The following STK39 variants were observed in gnomAD, a reference collection of about 807,000 sequenced individuals.
STK39 encodes the protein serine/threonine kinase 39, also known as STE20/SPS1-related proline-alanine-rich protein kinase.
Under a neutral mutation model 77.8 loss-of-function variants are expected in STK39, and 20 were observed. That is an observed-to-expected ratio of 0.26 (90% CI 0.18 to 0.37). STK39 has a LOEUF of 0.37. Ranked by LOEUF, STK39 falls within the 10% of genes least tolerant of loss-of-function variation. STK39 has a pLI of 1.00. For missense variants in STK39, 479 were observed against 656.5 expected (o/e 0.73, Z 2.95); for synonymous variants, 246 against 234.1 (o/e 1.05, Z -0.47).
chr2:168,174,672 T>A (rs1336240327), intron 2 of STK39, among the ~76,000 whole-genome samples: 3 of 151,766 alleles, frequency 2.0e-5, no homozygotes, highest in Non-Finnish European at 4.4e-5. Context: ...CTGGGAATAC[T>A]GAAAAAATTC....
intron 16 of STK39, 68 bp from the exon 17 acceptor site, chr2:167,964,794 T>G: frequency 7.3e-7 from 1 of 1,373,480 alleles, no homozygotes; most frequent in East Asian, 2.3e-5. Context: ...TTCACATCAA[T>G]GACTCAGAAA....
chr2:168,040,042 G>A (rs1228231075), intron 14 of STK39, among the ~76,000 whole-genome samples: 1 of 152,008 alleles, frequency 6.6e-6, no homozygotes, highest in African/African-American at 2.4e-5. Context: ...CCATCTCTGG[G>A]CTCTGGTCCT....
Position 167,954,032 on chromosome 2 carries a change from A to G in STK39, c.*1464T>C, listed in dbSNP as rs569514877. 3 of 152,780 alleles carry G rather than the reference A, an allele frequency of 2.0e-5. No homozygotes were observed. The South Asian group carries it at 6.2e-4, about 32-fold the overall frequency. The allele number at this position is 152,780 out of a possible 1,614,324, so 9.5% of individuals were successfully genotyped here. ...CAATGCAAAACAATCTCATTGTGCA[A>G]TACACTTTTATTTTCCTTTTACCTT... On this transcript the variant is annotated 3_prime_UTR_variant, in exon 18 of 18. Coordinates refer to ENST00000355999, the MANE Select transcript of STK39 (RefSeq NM_013233.3).
chr2:168,222,355 T>C (rs1690194363), intron 1 of STK39, among the ~76,000 whole-genome samples: 1 of 152,204 alleles, frequency 6.6e-6, no homozygotes, highest in Non-Finnish European at 1.5e-5. Flanking sequence ...TGCTGCTTTA[T>C]GCAACTTATT....
chr2:167,984,450 A>G (rs1298736957), intron 16 of STK39, among the ~76,000 whole-genome samples: 2 of 152,214 alleles, frequency 1.3e-5, no homozygotes, highest in African/African-American at 4.8e-5. Context: ...TGAGACACAG[A>G]GCAAGTCTGA....
At chr2:168,086,239 A>G (rs773478569) in intron 10 of STK39, among the ~76,000 whole-genome samples, 18 of 151,858 alleles carry the variant, frequency 1.2e-4, no homozygotes, top group Non-Finnish European at 2.1e-4. Context: ...GTCATACCAG[A>G]TAACAGACTC....
In STK39 at chr2:168,076,702, T is replaced by C. The variant is rs915152835; in HGVS notation, c.1090-1471A>G. 7.2e-5 allele frequency among the ~76,000 whole-genome samples: 11 copies of C among 152,298 alleles called. No individual in the cohort carries two copies. The South Asian group carries it at 8.3e-4, about 11-fold the overall frequency. On this transcript the variant is annotated intron_variant, in intron 10 of 17. Coordinates refer to ENST00000355999, the MANE Select transcript of STK39 (RefSeq NM_013233.3). Reference sequence around the variant, plus strand: ...TCATTTTTTTTTAAAAAAAGCTTTTTTCTCCAACCCCTACCCCCCAAATTT... The same window carrying C: ...TCATTTTTTTTTAAAAAAAGCTTTTCTCTCCAACCCCTACCCCCCAAATTT...
chr2:168,226,104 G>A (rs1200614655), intron 1 of STK39, among the ~76,000 whole-genome samples: 1 of 152,072 alleles, frequency 6.6e-6, no homozygotes, highest in Non-Finnish European at 1.5e-5. Flanking sequence ...ACAGATAGTA[G>A]GTAAGAAAGC....
At chr2:168,015,897 G>A (rs1684390714) in intron 15 of STK39, among the ~76,000 whole-genome samples, 1 of 152,140 alleles carries the variant, frequency 6.6e-6, no homozygotes, top group Non-Finnish European at 1.5e-5. Context: ...CCTCCAGAAA[G>A]AAAGATCAAT....
rs555935856 is a variant in STK39, at chr2:168,148,318, CCT to C, written c.629-7562_629-7561del. On this transcript the variant is annotated intron_variant, in intron 5 of 17. Transcript: ENST00000355999. ...TGACCATCATCAGAATGTCACCAGA[CCT>C]CTGGGCACTGAAAGCCAACTCTGAG... Among the ~76,000 whole-genome samples, 11 of 152,256 alleles carry C rather than the reference CCT, an allele frequency of 7.2e-5. No individual in the cohort carries two copies. In the East Asian group the frequency reaches 2.1e-3, roughly 29 times the overall value.
At chr2:167,990,878 A>G (rs10181389) in intron 16 of STK39, among the ~76,000 whole-genome samples, 22,965 of 152,170 alleles carry the variant, frequency 0.15, 1,939 homozygotes, top group Middle Eastern at 0.2. Context: ...TGTCTCAGCA[A>G]AGTCACTGAA....
intron 10 of STK39, among the ~76,000 whole-genome samples, chr2:168,105,602 A>C (rs982763599): frequency 6.6e-6 from 1 of 152,240 alleles, no homozygotes; most frequent in African/African-American, 2.4e-5. Context: ...ACACCCTGGA[A>C]AATTAAAGGG....
At chr2:168,001,266 C>T (rs75451725) in intron 16 of STK39, among the ~76,000 whole-genome samples, 4,143 of 123,030 alleles carry the variant, frequency 0.034, 197 homozygotes, top group East Asian at 0.25. Context: ...TTTGGAAACA[C>T]ATCAAAAAAA....
chr2:168,135,869 C>A (rs969759020), intron 8 of STK39, among the ~76,000 whole-genome samples: 2 of 151,952 alleles, frequency 1.3e-5, no homozygotes, highest in African/African-American at 2.4e-5. Flanking sequence ...GAGAAAATAT[C>A]TAAAAGAAGA....
chr2:168,222,516 A>G (rs1690198728), intron 1 of STK39, among the ~76,000 whole-genome samples: 2 of 152,320 alleles, frequency 1.3e-5, no homozygotes, highest in African/African-American at 4.8e-5. Flanking sequence ...ACACATAAAA[A>G]GTGGTTTGGA....
At chr2:168,116,316 G>T (rs1687256476) in intron 10 of STK39, among the ~76,000 whole-genome samples, 1 of 152,086 alleles carries the variant, frequency 6.6e-6, no homozygotes, top group Non-Finnish European at 1.5e-5. Flanking sequence ...CCTTAATTTT[G>T]TATATGTCTA....
intron 10 of STK39, among the ~76,000 whole-genome samples, chr2:168,103,931 T>C (rs1686903300): frequency 6.6e-6 from 1 of 152,226 alleles, no homozygotes; most frequent in African/African-American, 2.4e-5. Flanking sequence ...GACAAAAAAC[T>C]ATAAACCACA....
At position 167,957,715 on chromosome 2, in the gene STK39, A is replaced by G. The variant is rs114028458; in HGVS notation, c.1564-2145T>C. Among the ~76,000 whole-genome samples the G allele has an allele frequency of 8.4e-3, 1,286 of 152,354 alleles. 14 individuals carry two copies. Among genetic ancestry groups the G allele is most frequent in the African/African-American group, 0.028 (1,162 of 41,584 alleles). ...TCAAATCTTCATCAGAAATTTGGCA[A>G]TGTGAATATCAGGAGGTTAAAATGA... On this transcript the variant is annotated intron_variant, in intron 17 of 17. Transcript: ENST00000355999.
intron 10 of STK39, among the ~76,000 whole-genome samples, chr2:168,127,401 G>A (rs754180044): frequency 3.9e-5 from 6 of 152,094 alleles, no homozygotes; most frequent in South Asian, 2.1e-4. Flanking sequence ...CACCTGCCTC[G>A]GCCTCCCAAA....
Sources: allele counts gnomAD v4.1 joint callset (sites outside exome capture counted in the v4.1 genomes callset), GRCh38; gene constraint gnomAD v4.1.1; transcripts MANE v1.5; gene names NCBI Gene and HGNC (gene_info 2026-07-23, HGNC 2026-07-21).